The following SMURF1 variants were observed in gnomAD, a reference collection of about 807,000 sequenced individuals.
SMURF1 encodes E3 ubiquitin-protein ligase SMURF1.
SMURF1 carries 44 observed loss-of-function variants against 98.0 expected under a neutral mutation model. The ratio of observed to expected loss-of-function variants is 0.45; its 90% CI spans 0.35 to 0.58. The LOEUF (loss-of-function observed/expected upper bound fraction) is 0.58. Among genes scored for constraint, SMURF1 ranks in the 20% least tolerant of loss-of-function variants. The pLI is 0.00. For missense variants in SMURF1, 687 were observed against 938.4 expected, an observed-to-expected ratio of 0.73 and a Z score of 3.50; for synonymous variants, 396 against 374.9, an observed-to-expected ratio of 1.06 and a Z score of -0.65.
chr7:99,035,902 C>T (rs960078826), intron 15 of SMURF1, 186 bp from the exon 16 acceptor site: 14 of 623,186 alleles, frequency 2.2e-5, no homozygotes, highest in African/African-American at 9.2e-5. Flanking sequence ...TGCTTCCGTC[C>T]GCCTCCTCCA....
At chr7:99,067,362 A>G (rs573551600) in intron 1 of SMURF1, among the ~76,000 whole-genome samples, 2 of 152,200 alleles carry the variant, frequency 1.3e-5, no homozygotes, top group Admixed American at 6.5e-5. Flanking sequence ...GGATACAGCA[A>G]TTAACAAAAG....
chr7:99,049,595 C>T lies in SMURF1; in HGVS notation c.921G>A (p.Gln307=), dbSNP rs1237833337. Residue 307 remains glutamine (Q), a synonymous_variant, in exon 9 of 18, where the codon CAG becomes CAA. Transcript: ENST00000361368. ...YFVDHNNRTT[Q]FTDPRLHHIM... The stretch of plus-strand genomic sequence containing the variant: ...TGTGGTGTAACCTTGGGTCTGTAAA[C>T]TGGGTTGTTCGGTTATTATGATCTA... 3.7e-6 allele frequency: 6 copies of T among 1,614,126 alleles called. No individual in the cohort carries two copies. The East Asian group carries it at 8.9e-5, about 24-fold the overall frequency.
At chr7:99,032,004 C>T (rs1300977367) in intron 17 of SMURF1, among the ~76,000 whole-genome samples, 1 of 152,198 alleles carries the variant, frequency 6.6e-6, no homozygotes, top group African/African-American at 2.4e-5. Context: ...AGGAAGAAAA[C>T]ATTTGCAATA....
chr7:99,137,119 T>C (rs1168859433), intron 1 of SMURF1, among the ~76,000 whole-genome samples: 2 of 152,238 alleles, frequency 1.3e-5, no homozygotes, highest in Non-Finnish European at 2.9e-5. Flanking sequence ...TCCATGTTTA[T>C]TAACCGGTTC....
rs185083622 is a variant in SMURF1, at chr7:99,086,111, C to T, written c.56-24274G>A. Among the ~76,000 whole-genome samples the T allele has an allele frequency of 1.8e-4, 27 of 152,106 alleles. No homozygotes were observed. The East Asian group carries it at 4.8e-3, about 27-fold the overall frequency. On this transcript the variant is annotated intron_variant, in intron 1 of 17. Transcript: ENST00000361368. ...CTGTATTCCCAGCATTTTGAGAGGC[C>T]GAGGTGGGTGGATCACCTGAGGTTA...
chr7:99,133,470 C>T (rs1440823179), intron 1 of SMURF1, among the ~76,000 whole-genome samples: 1 of 152,138 alleles, frequency 6.6e-6, no homozygotes, highest in South Asian at 2.1e-4. Flanking sequence ...ATATGTGACA[C>T]CAATCCACAC....
intron 1 of SMURF1, among the ~76,000 whole-genome samples, chr7:99,122,108 C>T (rs1184926492): frequency 1.3e-4 from 20 of 151,674 alleles, no homozygotes; most frequent in Non-Finnish European, 2.9e-5. Flanking sequence ...GCTGGTGGAT[C>T]ATCTGAGGTC....
Position 99,032,929 on chromosome 7 carries a change from T to C in SMURF1, c.2096+108A>G, listed in dbSNP as rs1183423304. On this transcript the variant is annotated intron_variant, in intron 17 of 17. Transcript: ENST00000361368. ...TTTTGAGTTCTGATGATGACAAAAA[T>C]ATTTTGGCAGAGACTCCATCTCAAA... The C allele has an allele frequency of 3.2e-6, 4 of 1,237,926 alleles. No homozygotes were observed. In the African/African-American group the frequency reaches 4.6e-5, roughly 14 times the overall value. 76.7% of individuals were successfully genotyped at this position (1,237,926 alleles called of 1,614,324 possible).
intron 1 of SMURF1, among the ~76,000 whole-genome samples, chr7:99,076,602 G>C (rs1005467266): frequency 5.3e-5 from 8 of 152,190 alleles, no homozygotes; most frequent in African/African-American, 1.9e-4. Flanking sequence ...ACAACTAAAT[G>C]TGATGTCATA....
At position 99,126,633 on chromosome 7, in the gene SMURF1, C is replaced by T. The variant is rs150596311; in HGVS notation, c.55+17093G>A. ...TTGCGCCATTGCACTCCAGCCTGGG[C>T]GACAGAGCGAGACGCCATCTCAGAA... On this transcript the variant is annotated intron_variant, in intron 1 of 17. Transcript: ENST00000361368. 2.7e-3 allele frequency among the ~76,000 whole-genome samples: 414 copies of T among 151,960 alleles called. 11 individuals carry two copies. In the East Asian group the frequency reaches 0.065, roughly 24 times the overall value.
chr7:99,064,086 T>A (rs1796132407), intron 1 of SMURF1, among the ~76,000 whole-genome samples: 1 of 152,240 alleles, frequency 6.6e-6, no homozygotes, highest in African/African-American at 2.4e-5. Flanking sequence ...GATTTTAAGT[T>A]GTTAAACCAA....
chr7:99,101,820 A>G (rs750788630), intron 1 of SMURF1, among the ~76,000 whole-genome samples: 2 of 152,088 alleles, frequency 1.3e-5, no homozygotes, highest in African/African-American at 2.4e-5. Flanking sequence ...TGCGCCTGTA[A>G]GCTATTGGGA....
chr7:99,109,766 G>A (rs1211100640), intron 1 of SMURF1, among the ~76,000 whole-genome samples: 3 of 152,142 alleles, frequency 2.0e-5, no homozygotes, highest in African/African-American at 7.2e-5. Flanking sequence ...GATAAAATTC[G>A]ACATCCAAGT....
chr7:99,106,964 A>G (rs924985893), intron 1 of SMURF1, among the ~76,000 whole-genome samples: 2 of 152,270 alleles, frequency 1.3e-5, no homozygotes, highest in Non-Finnish European at 2.9e-5. Flanking sequence ...AGATGTAGGA[A>G]GAAATCCAAA....
intron 1 of SMURF1, among the ~76,000 whole-genome samples, chr7:99,141,523 C>T (rs899221814): frequency 6.6e-6 from 1 of 152,182 alleles, no homozygotes; most frequent in African/African-American, 2.4e-5. Flanking sequence ...TACATTGTAT[C>T]TACAAAGTGA....
Position 99,094,290 on chromosome 7 carries a change from GAATT to G in SMURF1, c.56-32457_56-32454del, listed in dbSNP as rs201635171. ...ACACTCAATTTTTGAATGTTTCAAT[GAATT>G]AATTCAAATTTTGAACAAGTTTAGG... On this transcript the variant is annotated intron_variant, in intron 1 of 17. Transcript: ENST00000361368. Among the ~76,000 whole-genome samples the G allele has an allele frequency of 8.4e-3, 1,276 of 152,196 alleles. 25 individuals carry two copies. The highest frequency in any genetic ancestry group is 0.028 in the African/African-American group (1,174 of 41,508).
intron 1 of SMURF1, among the ~76,000 whole-genome samples, chr7:99,119,897 A>C (rs559017928): frequency 8.7e-4 from 133 of 152,232 alleles, no homozygotes; most frequent in African/African-American, 3.2e-3. Context: ...TGTCCCTAAA[A>C]ATTTGATGTA....
intron 1 of SMURF1, among the ~76,000 whole-genome samples, chr7:99,088,719 A>G (rs545404140): frequency 5.9e-5 from 9 of 152,338 alleles, no homozygotes; most frequent in Non-Finnish European, 1.3e-4. Flanking sequence ...GAGGTGAGAC[A>G]GGCTGGGTTT....
chr7:99,073,438 C>T (rs1416838284), intron 1 of SMURF1, among the ~76,000 whole-genome samples: 2 of 142,572 alleles, frequency 1.4e-5, no homozygotes, highest in Non-Finnish European at 3.0e-5. Flanking sequence ...ATGTAGCTAA[C>T]AATAGATTCA....
Sources: allele counts gnomAD v4.1 joint callset (sites outside exome capture counted in the v4.1 genomes callset), GRCh38; gene constraint gnomAD v4.1.1; transcripts MANE v1.5; gene names NCBI Gene and HGNC (gene_info 2026-07-23, HGNC 2026-07-21).